The following ELMO1 variants were observed in gnomAD, a reference collection of about 807,000 sequenced individuals.
ELMO1 encodes engulfment and cell motility protein 1.
In ELMO1, 26 loss-of-function variants were observed where a neutral mutation model predicts 98.9. The observed-to-expected ratio is 0.26, with a 90% CI of 0.19 to 0.36. The LOEUF is 0.36. Ranked by LOEUF, ELMO1 falls within the 10% of genes least tolerant of loss-of-function variation. The pLI is 1.00. For synonymous variants in ELMO1, 346 were observed against 346.0 expected (o/e 1.00, Z 0.00); for missense variants, 627 against 935.2 (o/e 0.67, Z 4.30).
intron 1 of ELMO1, among the ~76,000 whole-genome samples, chr7:37,383,814 T>C (rs1802671666): frequency 7.7e-6 from 1 of 129,292 alleles, no homozygotes; most frequent in African/African-American, 2.6e-5. Context: ...GGCTTTTTGT[T>C]GTTGTTGTTG....
At chr7:37,203,878 C>T (rs370424020) in intron 13 of ELMO1, among the ~76,000 whole-genome samples, 10 of 151,680 alleles carry the variant, frequency 6.6e-5, no homozygotes, top group Middle Eastern at 6.8e-3. Flanking sequence ...CTCGGCTCAG[C>T]CCAGAAGTAC....
intron 15 of ELMO1, among the ~76,000 whole-genome samples, chr7:37,082,516 T>C (rs1797921102): frequency 6.6e-6 from 1 of 152,014 alleles, no homozygotes; most frequent in African/African-American, 2.4e-5. Context: ...CCAGCCTGGG[T>C]AACATGGTGA....
intron 15 of ELMO1, among the ~76,000 whole-genome samples, chr7:37,035,463 A>G (rs1795124614): frequency 1.3e-5 from 2 of 152,198 alleles, no homozygotes; most frequent in African/African-American, 4.8e-5. Context: ...ATTTCATAAA[A>G]AGTGAAAGAT....
intron 16 of ELMO1, among the ~76,000 whole-genome samples, chr7:36,961,393 A>G (rs1301673180): frequency 2.0e-5 from 3 of 152,230 alleles, no homozygotes; most frequent in African/African-American, 7.2e-5. Flanking sequence ...AAGCTGTTTT[A>G]AAAGCTAATC....
intron 16 of ELMO1, among the ~76,000 whole-genome samples, chr7:36,917,360 C>CA (rs1011911285): frequency 1.3e-5 from 2 of 151,604 alleles, no homozygotes; most frequent in African/African-American, 4.9e-5. Context: ...GATTTTTATT[C>CA]AAAAAAGAAA....
intron 15 of ELMO1, among the ~76,000 whole-genome samples, chr7:37,036,288 T>C (rs1027079427): frequency 1.3e-5 from 2 of 152,182 alleles, no homozygotes; most frequent in Non-Finnish European, 2.9e-5. Flanking sequence ...TACTTTGTCA[T>C]GGCAGCCCTA....
At chr7:37,030,319 TAGTC>T (rs1315953094) in intron 15 of ELMO1, among the ~76,000 whole-genome samples, 1 of 152,228 alleles carries the variant, frequency 6.6e-6, no homozygotes, top group Non-Finnish European at 1.5e-5. Context: ...TTTCATTTCT[TAGTC>T]ATTCAATTTT....
intron 1 of ELMO1, among the ~76,000 whole-genome samples, chr7:37,435,882 C>A (rs963770779): frequency 4.6e-5 from 7 of 152,232 alleles, no homozygotes; most frequent in African/African-American, 7.2e-5. Flanking sequence ...CTCTTTTACA[C>A]ACTCCTGAGG....
chr7:37,038,298 G>A (rs1471188845), intron 15 of ELMO1, among the ~76,000 whole-genome samples: 1 of 152,110 alleles, frequency 6.6e-6, no homozygotes. Flanking sequence ...GGAACAACCT[G>A]AACTCAGCCC....
intron 5 of ELMO1, among the ~76,000 whole-genome samples, chr7:37,264,389 A>G (rs1237748973): frequency 3.3e-5 from 5 of 152,226 alleles, no homozygotes; most frequent in African/African-American, 9.6e-5. Flanking sequence ...AAATGGTCAA[A>G]GAAGGCAAGT....
chr7:37,380,162 T>C (rs542913109), intron 1 of ELMO1, among the ~76,000 whole-genome samples: 4 of 152,358 alleles, frequency 2.6e-5, no homozygotes, highest in Admixed American at 6.5e-5. Context: ...CTTCAGTCCA[T>C]GTACAGACTT....
intron 1 of ELMO1, among the ~76,000 whole-genome samples, chr7:37,418,921 C>G (rs1414052943): frequency 1.3e-5 from 2 of 152,092 alleles, no homozygotes; most frequent in African/African-American, 4.8e-5. Context: ...GTACTCGCAA[C>G]AAGACTAAGC....
intron 13 of ELMO1, among the ~76,000 whole-genome samples, chr7:37,152,444 CTTT>C (rs11421529): frequency 0.018 from 2,649 of 143,668 alleles, 20 homozygotes; most frequent in Non-Finnish European, 0.026. Flanking sequence ...AATGTTGGGG[CTTT>C]TTTTTTTTTT....
At chr7:37,438,615 AC>A (rs1805261630) in intron 1 of ELMO1, among the ~76,000 whole-genome samples, 1 of 151,428 alleles carries the variant, frequency 6.6e-6, no homozygotes, top group Non-Finnish European at 1.5e-5. Flanking sequence ...AAAAAACACT[AC>A]TGAATCAGTG....
intron 16 of ELMO1, among the ~76,000 whole-genome samples, chr7:36,937,296 C>G (rs1045934553): frequency 2.6e-5 from 4 of 152,192 alleles, no homozygotes; most frequent in African/African-American, 9.7e-5. Flanking sequence ...AATATGAAGA[C>G]AGTCACACAG....
chr7:37,362,817 G>A (rs1801747654), intron 1 of ELMO1, among the ~76,000 whole-genome samples: 1 of 152,122 alleles, frequency 6.6e-6, no homozygotes, highest in Admixed American at 6.5e-5. Flanking sequence ...CACTCTAGGG[G>A]ACTGCACTTC....
At chr7:37,226,848 A>C (rs1793901681) in intron 8 of ELMO1, among the ~76,000 whole-genome samples, 1 of 152,160 alleles carries the variant, frequency 6.6e-6, no homozygotes, top group African/African-American at 2.4e-5. Flanking sequence ...TTGCGTGTGT[A>C]CTATGTAACA....
At chr7:36,953,309 T>C (rs536097820) in intron 16 of ELMO1, among the ~76,000 whole-genome samples, 1 of 152,288 alleles carries the variant, frequency 6.6e-6, no homozygotes, top group East Asian at 1.9e-4. Context: ...GACATAAAGA[T>C]GGACATCACA....
In ELMO1 at chr7:37,328,383, C is replaced by CAAAAAAAAAAAAAAA. The variant is rs10669717; in HGVS notation, c.79-12438_79-12424dup. On this transcript the variant is annotated intron_variant, in intron 2 of 21. Coordinates refer to ENST00000310758, the MANE Select transcript of ELMO1 (RefSeq NM_014800.11). ...TGGGCAACATAGGGAGACCCTGCCA[C>CAAAAAAAAAAAAAAA]AAAAAAAAAAAAAAAAAAAAAAAAA... 6.2e-5 allele frequency among the ~76,000 whole-genome samples: 4 copies of CAAAAAAAAAAAAAAA among 64,854 alleles called. 1 individual carries two copies. The highest frequency in any genetic ancestry group is 8.6e-5 in the Non-Finnish European group (3 of 35,056). 42.5% of individuals were successfully genotyped at this position (64,854 alleles called of 152,430 possible). A position where few individuals can be genotyped will look rare whatever the true frequency, so the allele number is the denominator to read the frequency against.
Sources: allele counts gnomAD v4.1 joint callset (sites outside exome capture counted in the v4.1 genomes callset), GRCh38; gene constraint gnomAD v4.1.1; transcripts MANE v1.5; gene names NCBI Gene and HGNC (gene_info 2026-07-23, HGNC 2026-07-21).